The following SLC24A2 variants were observed in gnomAD, a reference collection of about 807,000 sequenced individuals.
The protein encoded by SLC24A2 is sodium/potassium/calcium exchanger 2.
In SLC24A2, 36 loss-of-function variants were observed where a neutral mutation model predicts 62.0. The observed-to-expected ratio is 0.58, with a 90% CI of 0.44 to 0.77. The LOEUF (loss-of-function observed/expected upper bound fraction) is 0.77, where lower values mean the gene tolerates loss of function less well. Among genes scored for constraint, SLC24A2 ranks in the 30% least tolerant of loss-of-function variants. The pLI is 0.00. For missense variants in SLC24A2, 846 were observed against 817.9 expected, an observed-to-expected ratio of 1.03 and a Z score of -0.42; for synonymous variants, 358 against 294.0, an observed-to-expected ratio of 1.22 and a Z score of -2.23.
chr9:19,789,896 C>G (rs562082298), upstream of SLC24A2, among the ~76,000 whole-genome samples: 12 of 152,284 alleles, frequency 7.9e-5, no homozygotes, highest in African/African-American at 2.4e-4. Flanking sequence ...GTTCTCTCCC[C>G]CATCCAAGAG....
chr9:19,966,335 AT>A, the SLC24A2 span, among the ~76,000 whole-genome samples: 1 of 152,198 alleles, frequency 6.6e-6, no homozygotes, highest in Non-Finnish European at 1.5e-5. Flanking sequence ...CCATAATAGT[AT>A]TTGTGTGCAT....
chr9:20,094,731 A>G, the SLC24A2 span, among the ~76,000 whole-genome samples: 1 of 152,308 alleles, frequency 6.6e-6, no homozygotes, highest in African/African-American at 2.4e-5. Context: ...AATTTGTATA[A>G]CTAAATGTGT....
rs1174574514 is a variant in SLC24A2, at chr9:19,617,001, TA to T, written c.1078+2582del. Among the ~76,000 whole-genome samples the T allele has an allele frequency of 2.0e-5, 3 of 152,154 alleles. No individual in the cohort carries two copies. In the East Asian group the frequency reaches 5.8e-4, roughly 29 times the overall value. On this transcript the variant is annotated intron_variant, in intron 4 of 10. Coordinates refer to ENST00000341998, the MANE Select transcript of SLC24A2 (RefSeq NM_020344.4). Reference sequence around the variant, plus strand: ...CTGAAGACAGAAAGGTCTGTGTGACTAAAACAGAGTGAAATTGAGTTTGGAG... The same window carrying T: ...CTGAAGACAGAAAGGTCTGTGTGACTAAACAGAGTGAAATTGAGTTTGGAG...
chr9:19,702,847 A>G (rs1013960974), intron 2 of SLC24A2, among the ~76,000 whole-genome samples: 7 of 152,226 alleles, frequency 4.6e-5, no homozygotes, highest in African/African-American at 1.4e-4. Flanking sequence ...CCATAAATAG[A>G]AAATAAATAA....
chr9:19,718,845 A>T (rs964958755), intron 2 of SLC24A2, among the ~76,000 whole-genome samples: 8 of 152,182 alleles, frequency 5.3e-5, no homozygotes, highest in African/African-American at 1.9e-4. Context: ...GTGTGGTGTC[A>T]ACTTATTTCC....
the SLC24A2 span, chr9:19,967,667 T>C: frequency 6.6e-6 from 1 of 152,234 alleles, no homozygotes; most frequent in Admixed American, 6.5e-5. Flanking sequence ...AATCTCATCA[T>C]AAGATATATC....
At chr9:20,137,535 G>C in the SLC24A2 span, among the ~76,000 whole-genome samples, 3 of 152,122 alleles carry the variant, frequency 2.0e-5, no homozygotes, top group Admixed American at 2.0e-4. Flanking sequence ...CTGTATTTTG[G>C]CATGTGATAT....
At chr9:19,525,253 A>C (rs1442082529) in intron 9 of SLC24A2, among the ~76,000 whole-genome samples, 2 of 152,142 alleles carry the variant, frequency 1.3e-5, no homozygotes, top group Non-Finnish European at 2.9e-5. Context: ...AAGACAGTGT[A>C]TCAGCCAACA....
At chr9:19,597,323 T>C (rs1003325812) in intron 4 of SLC24A2, 44 bp from the exon 5 acceptor site, 3 of 1,253,976 alleles carry the variant, frequency 2.4e-6, no homozygotes, top group Non-Finnish European at 3.5e-6. Context: ...GAACGAGCTA[T>C]AATGCAAGAA....
chr9:20,050,551 T>C, the SLC24A2 span, among the ~76,000 whole-genome samples: 1 of 152,226 alleles, frequency 6.6e-6, no homozygotes, highest in Non-Finnish European at 1.5e-5. Flanking sequence ...GCTTATTATA[T>C]GTGAGAATCA....
the SLC24A2 span, among the ~76,000 whole-genome samples, chr9:20,065,147 C>A: frequency 4.9e-4 from 74 of 152,310 alleles, 1 homozygote; most frequent in African/African-American, 1.6e-3. Context: ...CATTTCATAG[C>A]TCTGGGGAAA....
At chr9:20,104,914 A>C in the SLC24A2 span, among the ~76,000 whole-genome samples, 1 of 152,256 alleles carries the variant, frequency 6.6e-6, no homozygotes, top group Admixed American at 6.5e-5. Flanking sequence ...AACTGGATAA[A>C]GAGTCAAGAC....
the SLC24A2 span, among the ~76,000 whole-genome samples, chr9:20,231,647 G>A: frequency 1.3e-5 from 2 of 152,070 alleles, no homozygotes; most frequent in Non-Finnish European, 2.9e-5. Flanking sequence ...GAGACGATGG[G>A]GTTTTCTAGA....
the SLC24A2 span, among the ~76,000 whole-genome samples, chr9:19,941,278 A>C: frequency 6.6e-6 from 1 of 152,186 alleles, no homozygotes; most frequent in African/African-American, 2.4e-5. Flanking sequence ...AGGCCAACCC[A>C]TCCCTTGAGA....
At chr9:19,965,608 TTTAACCTGTTTTGTC>T in the SLC24A2 span, among the ~76,000 whole-genome samples, 1 of 152,198 alleles carries the variant, frequency 6.6e-6, no homozygotes, top group Non-Finnish European at 1.5e-5. Context: ...GTGAAATTGA[TTTAACCTGTTTTGTC>T]TTAAGTGGCC....
chr9:19,522,172 C>G (rs1833235817), intron 9 of SLC24A2, among the ~76,000 whole-genome samples: 1 of 152,038 alleles, frequency 6.6e-6, no homozygotes, highest in African/African-American at 2.4e-5. Context: ...CCACACCTGG[C>G]TAGTTTTTTT....
the SLC24A2 span, among the ~76,000 whole-genome samples, chr9:20,099,172 T>A: frequency 6.6e-6 from 1 of 152,230 alleles, no homozygotes; most frequent in East Asian, 1.9e-4. Flanking sequence ...GGAGATTGTA[T>A]AGCTTCTTTA....
the SLC24A2 span, among the ~76,000 whole-genome samples, chr9:20,099,139 T>A: frequency 6.6e-6 from 1 of 152,224 alleles, no homozygotes; most frequent in East Asian, 1.9e-4. Flanking sequence ...AGCATGATAA[T>A]AACATGGCAT....
chr9:20,070,562 A>G, the SLC24A2 span, among the ~76,000 whole-genome samples: 1 of 152,236 alleles, frequency 6.6e-6, no homozygotes, highest in East Asian at 1.9e-4. Flanking sequence ...ACAGCACAGC[A>G]TTCCTGCTAA....
Sources: allele counts gnomAD v4.1 joint callset (sites outside exome capture counted in the v4.1 genomes callset), GRCh38; gene constraint gnomAD v4.1.1; transcripts MANE v1.5; gene names NCBI Gene and HGNC (gene_info 2026-07-23, HGNC 2026-07-21).